The following ABTB3 variants were observed in gnomAD, a reference collection of about 807,000 sequenced individuals.
The protein encoded by ABTB3 is ankyrin repeat- and BTB/POZ domain-containing protein 3.
At chr12:107,508,456 T>G in the ABTB3 span, among the ~76,000 whole-genome samples, 13,231 of 122,952 alleles carry the variant, frequency 0.11, 862 homozygotes, top group African/African-American at 0.13. Context: ...TTTTTTTTTT[T>G]TTTTTTTTTT....
At chr12:107,654,813 TATACACACACAC>T in the ABTB3 span, among the ~76,000 whole-genome samples, 1 of 95,992 alleles carries the variant, frequency 1.0e-5, no homozygotes, top group East Asian at 2.8e-4. Flanking sequence ...GTCTACATTG[TATACACACACAC>T]ACACACACAC....
At chr12:107,319,812 C>T in the ABTB3 span, 9 of 1,333,782 alleles carry the variant, frequency 6.7e-6, no homozygotes, top group African/African-American at 1.1e-4. Context: ...CGGGAGGCGC[C>T]CGGGGGAGGA....
chr12:107,345,506 G>C, the ABTB3 span, among the ~76,000 whole-genome samples: 4 of 152,126 alleles, frequency 2.6e-5, no homozygotes, highest in Admixed American at 6.5e-5. Flanking sequence ...TAAGCAGAAG[G>C]GGGGGATTAT....
the ABTB3 span, among the ~76,000 whole-genome samples, chr12:107,611,681 A>C: frequency 6.6e-6 from 1 of 152,232 alleles, no homozygotes; most frequent in African/African-American, 2.4e-5. Flanking sequence ...TAGTGGCTCA[A>C]ACACACCAGC....
At chr12:107,463,326 G>T in the ABTB3 span, among the ~76,000 whole-genome samples, 1 of 151,870 alleles carries the variant, frequency 6.6e-6, no homozygotes, top group Non-Finnish European at 1.5e-5. Context: ...TAGTGAGGGT[G>T]ATGGTGGTTG....
At chr12:107,409,994 A>G in the ABTB3 span, among the ~76,000 whole-genome samples, 3 of 152,192 alleles carry the variant, frequency 2.0e-5, no homozygotes, top group African/African-American at 7.2e-5. Context: ...GCCCTTCTCA[A>G]TGTAGTGCCT....
chr12:107,626,901 G>A, the ABTB3 span, among the ~76,000 whole-genome samples: 2 of 152,114 alleles, frequency 1.3e-5, no homozygotes, highest in East Asian at 3.9e-4. Context: ...GAAGTCATCT[G>A]ATTTGGGAGG....
At chr12:107,592,573 C>T in the ABTB3 span, among the ~76,000 whole-genome samples, 1 of 152,112 alleles carries the variant, frequency 6.6e-6, no homozygotes, top group Non-Finnish European at 1.5e-5. Context: ...TGAACTAGAT[C>T]GACCTGTTAT....
chr12:107,537,593 C>T, the ABTB3 span, among the ~76,000 whole-genome samples: 1 of 152,218 alleles, frequency 6.6e-6, no homozygotes, highest in South Asian at 2.1e-4. Flanking sequence ...TTGGCTTTTC[C>T]TCCACCCTCC....
the ABTB3 span, among the ~76,000 whole-genome samples, chr12:107,520,920 A>G: frequency 1.1e-4 from 17 of 152,218 alleles, no homozygotes; most frequent in Non-Finnish European, 2.2e-4. Flanking sequence ...GAAAATATCA[A>G]TGCCTACCCA....
chr12:107,376,666 G>T, the ABTB3 span, among the ~76,000 whole-genome samples: 480 of 152,228 alleles, frequency 3.2e-3, 2 homozygotes, highest in African/African-American at 9.7e-3. Context: ...TACAGCAGTA[G>T]AGGTTCTCAG....
the ABTB3 span, chr12:107,659,436 A>G: frequency 2.0e-5 from 3 of 152,360 alleles, no homozygotes; most frequent in South Asian, 6.2e-4. Context: ...CAGCGTGTGC[A>G]TTGCGGCTGT....
the ABTB3 span, among the ~76,000 whole-genome samples, chr12:107,419,739 A>G: frequency 6.6e-6 from 1 of 152,176 alleles, no homozygotes; most frequent in African/African-American, 2.4e-5. Context: ...GGAAGTACTC[A>G]ATGAATGTTA....
chr12:107,514,244 C>A, the ABTB3 span, among the ~76,000 whole-genome samples: 1 of 152,160 alleles, frequency 6.6e-6, no homozygotes, highest in African/African-American at 2.4e-5. Flanking sequence ...CCAGGCCAGT[C>A]CCAGAGCAGA....
chr12:107,611,914 C>G, the ABTB3 span, among the ~76,000 whole-genome samples: 1 of 152,078 alleles, frequency 6.6e-6, no homozygotes, highest in Non-Finnish European at 1.5e-5. Context: ...CATTGTTTAC[C>G]TTTTGATTTT....
chr12:107,510,754 C>G, the ABTB3 span, among the ~76,000 whole-genome samples: 2 of 151,942 alleles, frequency 1.3e-5, no homozygotes, highest in Non-Finnish European at 2.9e-5. Flanking sequence ...AACCCCCTCT[C>G]TACAAAAAAA....
chr12:107,520,011 G>C, the ABTB3 span, among the ~76,000 whole-genome samples: 1 of 152,124 alleles, frequency 6.6e-6, no homozygotes, highest in Admixed American at 6.5e-5. Flanking sequence ...TTGTCAAACA[G>C]GTAACAGCCC....
the ABTB3 span, among the ~76,000 whole-genome samples, chr12:107,413,459 A>G: frequency 6.6e-6 from 1 of 152,180 alleles, no homozygotes; most frequent in East Asian, 1.9e-4. Flanking sequence ...TTATTCATCC[A>G]AGCAGGACAC....
chr12:107,485,801 C>G, the ABTB3 span, among the ~76,000 whole-genome samples: 1 of 152,138 alleles, frequency 6.6e-6, no homozygotes, highest in Non-Finnish European at 1.5e-5. Context: ...AAAATAATGT[C>G]TTAGGGTCAT....
Sources: gnomAD v4.1 joint callset for allele counts (sites outside exome capture counted in the v4.1 genomes callset) on GRCh38, gnomAD v4.1.1 for gene constraint, MANE v1.5 for transcripts, NCBI Gene and HGNC (gene_info 2026-07-23, HGNC 2026-07-21) for gene names.